Variants in ATP13A2 observed in about 807,000 individuals in gnomAD.
ATP13A2 encodes ATPase cation transporting 13A2.
In ATP13A2, 83 loss-of-function variants were observed where a neutral mutation model predicts 138.3. That is an observed-to-expected ratio of 0.60 (90% CI 0.50 to 0.72). The LOEUF is 0.72. ATP13A2 is among the 30% of genes least tolerant of loss of function. The pLI, the probability that ATP13A2 is intolerant of heterozygous loss-of-function variation, is 0.00. For missense variants in ATP13A2, 1,402 were observed against 1,606.4 expected (o/e 0.87, Z 2.17); for synonymous variants, 663 against 699.0 (o/e 0.95, Z 0.81).
chr1:16,996,228 C>T (rs777518719), intron 14 of ATP13A2, 26 bp downstream of exon 14: 95 of 1,613,772 alleles, frequency 5.9e-5, no homozygotes, highest in Non-Finnish European at 8.1e-5. Context: ...GCTGGCAGCA[C>T]CCCCCACCCC....
chr1:16,991,465 C>T (rs974809929), intron 20 of ATP13A2, among the ~76,000 whole-genome samples: 1 of 152,222 alleles, frequency 6.6e-6, no homozygotes, highest in African/African-American at 2.4e-5. Context: ...AGAGGTGCCA[C>T]CTGGAACCCA....
In ATP13A2 at chr1:16,986,715, G is replaced by A. The variant is rs975127788; in HGVS notation, c.3236-83C>T. Reference sequence around the variant, plus strand: ...ACGTGTGCACGCCAGTCTTCCACTCGGCCGGCACCTCTCTCCCATCTGCCT... The same window carrying A: ...ACGTGTGCACGCCAGTCTTCCACTCAGCCGGCACCTCTCTCCCATCTGCCT... On this transcript the variant is annotated intron_variant, in intron 27 of 28. Transcript: ENST00000326735. This position sits in a 1 kb window ranked among gnomAD's most constrained non-coding sequence, Gnocchi z 6.9. 11 of 1,570,078 alleles carry A rather than the reference G, an allele frequency of 7.0e-6. No homozygotes were observed. The East Asian group carries it at 9.4e-5, about 13-fold the overall frequency.
intron 20 of ATP13A2, 150 bp from the exon 21 acceptor site, chr1:16,990,437 TCA>T: frequency 1.0e-6 from 1 of 994,366 alleles, no homozygotes; most frequent in Non-Finnish European, 1.5e-6. Flanking sequence ...TCCCTTTGCC[TCA>T]GTTTTCTCAT....
chr1:16,997,258 C>A, intron 11 of ATP13A2, 83 bp from the exon 12 acceptor site: 1 of 1,552,250 alleles, frequency 6.4e-7, no homozygotes, highest in Admixed American at 1.7e-5. Flanking sequence ...AATTGTCCCA[C>A]AAGCTCTAAG....
rs757800272 is a variant in ATP13A2 at position 16,992,379 on chromosome 1, G to A, written c.1869C>T (p.Ser623=). ...AAGAGAAGGGGAAGCGGTGGAGGAC[G>A]CTGACTGGCACCGGGGGCTCCTCCT... is the stretch of plus-strand genomic sequence containing the variant. ...QAMEEPPVPV[S]VLHRFPFSSA... The change falls in exon 18 of 29, where the codon AGC becomes AGT. Residue 623 remains serine, a synonymous_variant. Coordinates refer to ENST00000326735, the MANE Select transcript of ATP13A2 (RefSeq NM_022089.4). 16 of 1,613,476 alleles carry A rather than the reference G, an allele frequency of 9.9e-6. No individual in the cohort carries two copies. The highest frequency in any genetic ancestry group is 1.6e-4 in the Middle Eastern group (1 of 6,084).
intron 1 of ATP13A2, among the ~76,000 whole-genome samples, chr1:17,006,107 C>T (rs766626557): frequency 6.6e-6 from 1 of 152,048 alleles, no homozygotes; most frequent in Non-Finnish European, 1.5e-5. Context: ...TGCACCCCTG[C>T]CTGAGCAACA....
chr1:17,004,846 C>G lies in ATP13A2; in HGVS notation c.348-25G>C. 6.2e-7 allele frequency: 1 copy of G among 1,613,680 alleles called. No individual in the cohort carries two copies. The highest frequency in any genetic ancestry group is 1.1e-5 in the South Asian group (1 of 91,070). On this transcript the variant is annotated intron_variant, in intron 4 of 28. Coordinates refer to ENST00000326735, the MANE Select transcript of ATP13A2 (RefSeq NM_022089.4). The surrounding 1 kb of genome is among the most constrained non-coding windows in gnomAD (Gnocchi z 4.1). ...GCTGGGGAAGCAGGTGAGGGTTACT[C>G]TCGAGCTCTGGGAGCTGCCCTGGCA...
chr1:16,990,065 T>A, intron 21 of ATP13A2, 62 bp from the exon 22 acceptor site: 1 of 1,613,580 alleles, frequency 6.2e-7, no homozygotes, highest in South Asian at 1.1e-5. Flanking sequence ...GGGGCCTGGG[T>A]CAGGTGACAC....
chr1:17,001,421 T>G (rs1330430247), intron 8 of ATP13A2, among the ~76,000 whole-genome samples: 3 of 150,170 alleles, frequency 2.0e-5, no homozygotes, highest in East Asian at 3.9e-4. Context: ...AGAGCAAAAC[T>G]CTGTCTCAAA....
chr1:16,998,506 TACG>T (rs1262535396), intron 11 of ATP13A2, among the ~76,000 whole-genome samples: 11 of 152,024 alleles, frequency 7.2e-5, no homozygotes, highest in African/African-American at 2.7e-4. Context: ...GCGCCTGGCC[TACG>T]ATTTGTGATA....
rs756152157 is a variant in ATP13A2 at position 17,004,817 on chromosome 1, C to A, written c.352G>T (p.Glu118Ter). ...TCTGCCTGGGACTGTGGGGACGGCTCCAGGCTGGGGAAGCAGGTGAGGGTT... is the reference window on the plus strand; with the variant it reads ...TCTGCCTGGGACTGTGGGGACGGCTACAGGCTGGGGAAGCAGGTGAGGGTT... ...QTEAIGEGSL[E>*]PSPQSQAEDG... Residue 118 changes from glutamate to a stop codon, truncating the protein, a stop_gained, in exon 5 of 29, where the codon GAG (glutamate) becomes TAG (stop). Coordinates refer to ENST00000326735, the MANE Select transcript of ATP13A2 (RefSeq NM_022089.4). LOFTEE classifies it high-confidence loss of function. This position sits in a 1 kb window ranked among gnomAD's most constrained non-coding sequence, Gnocchi z 4.1. 5 of 1,613,772 alleles carry A rather than the reference C, an allele frequency of 3.1e-6. No individual in the cohort carries two copies. The highest frequency in any genetic ancestry group is 4.2e-6 in the Non-Finnish European group (5 of 1,180,044).
Position 16,994,938 on chromosome 1 carries a change from A to G in ATP13A2, c.1542+1038T>C, listed in dbSNP as rs539760674. Among the ~76,000 whole-genome samples, 370 of 152,168 alleles carry G rather than the reference A, an allele frequency of 2.4e-3. 3 individuals are homozygous for G. Among genetic ancestry groups the G allele is most frequent in the Non-Finnish European group, 3.2e-3 (217 of 68,006 alleles). ...CGGCCTCCCGAAGTGCCGGGATTCC[A>G]GGCATGAGCCACTGCGCTGGGCCCC... On this transcript the variant is annotated intron_variant, in intron 15 of 28. Coordinates refer to ENST00000326735, the MANE Select transcript of ATP13A2 (RefSeq NM_022089.4).
chr1:16,993,849 G>A lies in ATP13A2; in HGVS notation c.1543-14C>T, dbSNP rs377411556. 4 of 1,542,394 alleles carry A rather than the reference G, an allele frequency of 2.6e-6. No individual in the cohort carries two copies. The African/African-American group carries it at 5.5e-5, about 21-fold the overall frequency. ...GAGGGTGCCCGTCTGTGGGAGACAG[G>A]TGGGTGGGGCAGCGATGAGTCCTGG... On this transcript the variant is annotated splice_polypyrimidine_tract_variant and intron_variant, in intron 15 of 28. Transcript: ENST00000326735.
rs560486316 is a variant in ATP13A2, at chr1:16,986,093, G to A, written c.*128C>T. On this transcript the variant is annotated 3_prime_UTR_variant, in exon 29 of 29. Coordinates refer to ENST00000326735, the MANE Select transcript of ATP13A2 (RefSeq NM_022089.4). The surrounding 1 kb of genome is among the most constrained non-coding windows in gnomAD (Gnocchi z 6.9). ...TTCCCCAGGGTGGGGGTGGTCTCGG[G>A]GGAGGAGTGTAGACAGTCGCCAACC... 4 of 1,554,588 alleles carry A rather than the reference G, an allele frequency of 2.6e-6. No individual in the cohort carries two copies. The highest frequency in any genetic ancestry group is 4.7e-5 in the East Asian group (2 of 42,670).
intron 21 of ATP13A2, 49 bp from the exon 22 acceptor site, chr1:16,990,052 GT>G (rs756052051): frequency 1.3e-4 from 205 of 1,613,240 alleles, no homozygotes; most frequent in Non-Finnish European, 1.7e-4. Flanking sequence ...ACCCTGGAGA[GT>G]TGGGGCCTGG....
In ATP13A2 at chr1:16,989,638, G is replaced by T. The variant is rs376174719; in HGVS notation, c.2609+53C>A. The T allele has an allele frequency of 7.6e-6, 12 of 1,576,852 alleles. No individual in the cohort carries two copies. The African/African-American group carries it at 1.3e-4, about 18-fold the overall frequency. On this transcript the variant is annotated intron_variant, in intron 23 of 28. Coordinates refer to ENST00000326735, the MANE Select transcript of ATP13A2 (RefSeq NM_022089.4). ...GGGAAGGACAGATGAACAGACGAAC[G>T]GACAAGCTCAGTCTCCGCAGGCCCT... is the stretch of plus-strand genomic sequence containing the variant.
chr1:16,995,671 C>T lies in ATP13A2; in HGVS notation c.1542+305G>A. 2.2e-6 allele frequency: 1 copy of T among 445,810 alleles called. No individual in the cohort carries two copies. The highest frequency in any genetic ancestry group is 2.0e-5 in the South Asian group (1 of 49,448). The allele number at this position is 445,810 out of a possible 1,614,324, so 27.6% of individuals were successfully genotyped here. ...ATGTTGGTCAGGCTGGTCTTGAACT[C>T]CTGACCTCAAGTGATGTATCTGCCT... On this transcript the variant is annotated intron_variant, in intron 15 of 28. Coordinates refer to ENST00000326735, the MANE Select transcript of ATP13A2 (RefSeq NM_022089.4). The surrounding 1 kb of genome is among the most constrained non-coding windows in gnomAD (Gnocchi z 4.1).
chr1:16,997,417 G>GGGGA (rs1553169146), intron 11 of ATP13A2, among the ~76,000 whole-genome samples: 1 of 141,474 alleles, frequency 7.1e-6, no homozygotes, highest in African/African-American at 2.6e-5. Flanking sequence ...GAACCAGCGG[G>GGGGA]GGGGGGTGGG....
chr1:17,005,322 G>T (rs190280779), intron 3 of ATP13A2, 52 bp downstream of exon 3: 20 of 1,555,468 alleles, frequency 1.3e-5, no homozygotes, highest in African/African-American at 9.5e-5. Flanking sequence ...CTCCACCCCC[G>T]ACCCTGACCC....
Sources: allele counts gnomAD v4.1 joint callset (sites outside exome capture counted in the v4.1 genomes callset), GRCh38; gene constraint gnomAD v4.1.1; non-coding constraint Gnocchi (gnomAD v3.1); transcripts MANE v1.5; gene names NCBI Gene and HGNC (gene_info 2026-07-23, HGNC 2026-07-21).